Variants in GPAT3 observed in about 807,000 individuals in gnomAD.
The protein encoded by GPAT3 is glycerol-3-phosphate acyltransferase 3.
A neutral mutation model predicts 58.8 loss-of-function variants in GPAT3; 53 were observed. The observed-to-expected ratio is 0.90, with a 90% confidence interval of 0.72 to 1.13. The LOEUF is 1.13. Among genes scored for constraint, GPAT3 ranks in the 50% most tolerant of loss-of-function variants. The probability of loss-of-function intolerance (pLI) is 0.00; values close to 1 mark genes in which losing one functional copy is unlikely to be tolerated. For synonymous variants in GPAT3, 197 were observed against 187.4 expected (o/e 1.05, Z -0.42); for missense variants, 511 against 527.6 (o/e 0.97, Z 0.31).
At chr4:83,577,686 G>T (rs991730611) in intron 2 of GPAT3, among the ~76,000 whole-genome samples, 1 of 151,752 alleles carries the variant, frequency 6.6e-6, no homozygotes, top group African/African-American at 2.4e-5. Flanking sequence ...TAGGTCATAG[G>T]CTCTGAATGT....
rs1456035846 is a variant in GPAT3, at chr4:83,605,737, C to A, written c.*970C>A. On this transcript the variant is annotated 3_prime_UTR_variant, in exon 12 of 12. Transcript: ENST00000264409. ...TTTTTAGAGGGGGAAATAAGTTTTC[C>A]CCAACTCACACAGCATAAGCAATGT... The A allele has an allele frequency of 6.6e-6, 1 of 152,278 alleles. No homozygotes were observed. Among genetic ancestry groups the A allele is most frequent in the African/African-American group, 2.4e-5 (1 of 41,308 alleles). 9.4% of individuals were successfully genotyped at this position (152,278 alleles called of 1,614,324 possible). A position where few individuals can be genotyped will look rare whatever the true frequency, so the allele number is the denominator to read the frequency against.
intron 3 of GPAT3, among the ~76,000 whole-genome samples, chr4:83,586,157 G>C (rs1726368974): frequency 1.3e-5 from 2 of 152,210 alleles, no homozygotes; most frequent in South Asian, 4.1e-4. Flanking sequence ...ATATTGCGTG[G>C]TGTATAGTGT....
intron 2 of GPAT3, among the ~76,000 whole-genome samples, chr4:83,552,769 ATTGATATG>A (rs1228784909): frequency 6.6e-6 from 1 of 152,136 alleles, no homozygotes; most frequent in Non-Finnish European, 1.5e-5. Flanking sequence ...CCCTTCCCAA[ATTGATATG>A]TTGATATGTT....
intron 2 of GPAT3, among the ~76,000 whole-genome samples, chr4:83,574,623 AATTTTTTTTTTTTTTTTTTTTTTTTT>A (rs1725719729): frequency 1.4e-5 from 1 of 70,796 alleles, no homozygotes; most frequent in Non-Finnish European, 2.9e-5. Flanking sequence ...AAGTAAAATG[AATTTTTTTTTTTTTTTTTTTTTTTTT>A]TTTTTTTTTT....
At chr4:83,588,017 G>A (rs1332235169) in intron 4 of GPAT3, among the ~76,000 whole-genome samples, 193 bp from the exon 5 acceptor site, 1 of 152,096 alleles carries the variant, frequency 6.6e-6, no homozygotes, top group Non-Finnish European at 1.5e-5. Flanking sequence ...TTTTTTGGTA[G>A]ACTTTTGTGA....
chr4:83,562,726 CAAGACA>C (rs534111873), intron 2 of GPAT3, among the ~76,000 whole-genome samples: 72 of 151,268 alleles, frequency 4.8e-4, no homozygotes, highest in African/African-American at 1.7e-3. Flanking sequence ...GATGAATGAA[CAAGACA>C]AAGATCAACC....
rs149985138 is a variant in GPAT3, at chr4:83,598,692, G to C, written c.1174G>C (p.Ala392Pro). ...QFANRVKSAI[A>P]IQGGLTELPW... ...TGCTAACAGGGTTAAGTCTGCTATT[G>C]CTATACAAGGAGGCCTGACTGAACT... Residue 392 changes from alanine (A) to proline (P), a missense_variant, in exon 11 of 12, where the codon GCT becomes CCT. By Grantham distance (27) the Ala-to-Pro change is conservative. Transcript: ENST00000264409. 1,060 of 1,469,598 alleles carry C rather than the reference G, an allele frequency of 7.2e-4. 1 individual carries two copies. Among genetic ancestry groups the C allele is most frequent in the Non-Finnish European group, 8.8e-4 (968 of 1,098,600 alleles). 91.0% of individuals were successfully genotyped at this position (1,469,598 alleles called of 1,614,324 possible). A position where few individuals can be genotyped will look rare whatever the true frequency, so the allele number is the denominator to read the frequency against.
chr4:83,568,618 C>T (rs1308406208), intron 2 of GPAT3, among the ~76,000 whole-genome samples: 1 of 151,712 alleles, frequency 6.6e-6, no homozygotes, highest in Admixed American at 6.6e-5. Context: ...CGCCATTCTT[C>T]TGCTTCAGCG....
intron 3 of GPAT3, among the ~76,000 whole-genome samples, chr4:83,585,067 G>A (rs1240501682): frequency 6.6e-6 from 1 of 152,156 alleles, no homozygotes; most frequent in Non-Finnish European, 1.5e-5. Context: ...ATTGGGGCAA[G>A]ATGGCAAAAC....
chr4:83,565,181 A>G (rs970393347), intron 2 of GPAT3, among the ~76,000 whole-genome samples: 4 of 151,522 alleles, frequency 2.6e-5, no homozygotes, highest in African/African-American at 9.7e-5. Context: ...ACTCACTGCA[A>G]CCTCTGCCTC....
At chr4:83,578,199 A>G (rs1055503196) in intron 2 of GPAT3, among the ~76,000 whole-genome samples, 1 of 152,192 alleles carries the variant, frequency 6.6e-6, no homozygotes, top group African/African-American at 2.4e-5. Context: ...ATTGCTTGCT[A>G]TATTCTTAGC....
In GPAT3 at chr4:83,536,366, G is replaced by A. The variant is rs1264239918; in HGVS notation, c.-257G>A. 2.5e-6 allele frequency: 3 copies of A among 1,221,366 alleles called. No individual in the cohort carries two copies. The East Asian group carries it at 1.1e-4, about 46-fold the overall frequency. The allele number at this position is 1,221,366 out of a possible 1,614,324, so 75.7% of individuals were successfully genotyped here. Reference sequence around the variant, plus strand: ...GCTCGCGCTACCCAGGTCTCCGCACGCCGCGGTGGCTTCAGCCCAGACCTG... The same window carrying A: ...GCTCGCGCTACCCAGGTCTCCGCACACCGCGGTGGCTTCAGCCCAGACCTG... On this transcript the variant is annotated 5_prime_UTR_variant, in exon 1 of 12. Coordinates refer to ENST00000264409, the MANE Select transcript of GPAT3 (RefSeq NM_032717.5).
Position 83,563,793 on chromosome 4 carries a change from T to C in GPAT3, c.209-17769T>C, listed in dbSNP as rs573695866. ...ACTGTACCCGGCCAAGTGTTTATTATTTTCTTGACTTGCTAACACCAAACA... is the reference window on the plus strand; with the variant it reads ...ACTGTACCCGGCCAAGTGTTTATTACTTTCTTGACTTGCTAACACCAAACA... On this transcript the variant is annotated intron_variant, in intron 2 of 11. Coordinates refer to ENST00000264409, the MANE Select transcript of GPAT3 (RefSeq NM_032717.5). Among the ~76,000 whole-genome samples, 3 of 152,310 alleles carry C rather than the reference T, an allele frequency of 2.0e-5. No individual in the cohort carries two copies. The South Asian group carries it at 6.2e-4, about 32-fold the overall frequency.
chr4:83,547,474 G>T (rs542602475), intron 2 of GPAT3, among the ~76,000 whole-genome samples: 1 of 151,358 alleles, frequency 6.6e-6, no homozygotes, highest in Admixed American at 6.6e-5. Flanking sequence ...GGATGGTCTC[G>T]ATCTCCTGAC....
chr4:83,602,852 T>C (rs1415373935), intron 11 of GPAT3, among the ~76,000 whole-genome samples: 1 of 152,234 alleles, frequency 6.6e-6, no homozygotes, highest in Admixed American at 6.5e-5. Context: ...TAAAAGAGGC[T>C]TATGTGGACA....
At position 83,584,811 on chromosome 4, in the gene GPAT3, C is replaced by G. The variant is rs1394509409; in HGVS notation, c.480-2444C>G. Among the ~76,000 whole-genome samples the G allele has an allele frequency of 2.0e-5, 3 of 152,148 alleles. No homozygotes were observed. The East Asian group carries it at 5.8e-4, about 29-fold the overall frequency. On this transcript the variant is annotated intron_variant, in intron 3 of 11. Coordinates refer to ENST00000264409, the MANE Select transcript of GPAT3 (RefSeq NM_032717.5). ...GTGAGCCAGTGCCTGAACTGAATTA[C>G]ACATTTTAATGGGTTGAATTGTATG... is the stretch of plus-strand genomic sequence containing the variant.
At chr4:83,599,474 G>A (rs1389974023) in intron 11 of GPAT3, among the ~76,000 whole-genome samples, 1 of 152,100 alleles carries the variant, frequency 6.6e-6, no homozygotes, top group Admixed American at 6.5e-5. Flanking sequence ...AGGAAGCTGG[G>A]GAATGTAGTC....
rs568701817 is a variant in GPAT3, at chr4:83,538,987, GA to G, written c.141+2226del. On this transcript the variant is annotated intron_variant, in intron 1 of 11. Transcript: ENST00000264409. Reference sequence around the variant, plus strand: ...CTGATTTGTTGGTTGCGGCTGCCTGGAACTCCTATGTTTGGGAGCATCTGAG... The same window carrying G: ...CTGATTTGTTGGTTGCGGCTGCCTGGACTCCTATGTTTGGGAGCATCTGAG... 2.4e-3 allele frequency among the ~76,000 whole-genome samples: 363 copies of G among 152,272 alleles called. 1 individual carries two copies. The highest frequency in any genetic ancestry group is 8.4e-3 in the African/African-American group (347 of 41,550).
At position 83,578,857 on chromosome 4, in the gene GPAT3, TTTCC is replaced by T. The variant is rs140483935; in HGVS notation, c.209-2688_209-2685del. On this transcript the variant is annotated intron_variant, in intron 2 of 11. Transcript: ENST00000264409. The stretch of plus-strand genomic sequence containing the variant: ...TAATAATCATTCAAGAACTTACTTT[TTTCC>T]TTCCTTCCTTCCTTCCCTCCCTTCC... Among the ~76,000 whole-genome samples, 141 of 144,350 alleles carry T rather than the reference TTTCC, an allele frequency of 9.8e-4. 1 individual carries two copies. The highest frequency in any genetic ancestry group is 3.0e-3 in the African/African-American group (122 of 40,528). 94.7% of individuals were successfully genotyped at this position (144,350 alleles called of 152,430 possible).
Sources: gnomAD v4.1 joint callset for allele counts (sites outside exome capture counted in the v4.1 genomes callset) on GRCh38, gnomAD v4.1.1 for gene constraint, MANE v1.5 for transcripts, NCBI Gene and HGNC (gene_info 2026-07-23, HGNC 2026-07-21) for gene names.